CEP128: variants seen among roughly 807,000 people sequenced by gnomAD.
CEP128 encodes the protein centrosomal protein 128, also known as centrosomal protein 128kDa.
Under a neutral mutation model 156.7 loss-of-function variants are expected in CEP128, and 132 were observed. The ratio of observed to expected loss-of-function variants is 0.84; its 90% CI spans 0.73 to 0.97. CEP128 has a LOEUF of 0.97. CEP128 is among the 50% of genes least tolerant of loss of function. The pLI is 0.00. For missense variants in CEP128, 1,252 were observed against 1,281.9 expected, an observed-to-expected ratio of 0.98 and a Z score of 0.36; for synonymous variants, 469 against 448.9, an observed-to-expected ratio of 1.04 and a Z score of -0.57.
chr14:80,489,093 C>T (rs146120623), downstream of CEP128, among the ~76,000 whole-genome samples: 2,128 of 151,132 alleles, frequency 0.014, 34 homozygotes, highest in Middle Eastern at 0.034. Flanking sequence ...ATGTAACAAA[C>T]CTGCACATTG....
chr14:80,839,344 ACTG>A (rs920282839), intron 10 of CEP128, among the ~76,000 whole-genome samples: 1 of 152,222 alleles, frequency 6.6e-6, no homozygotes, highest in African/African-American at 2.4e-5. Flanking sequence ...CAGTTGAACA[ACTG>A]CTATCTGTAT....
chr14:80,689,103 C>T (rs1896624349), intron 19 of CEP128, among the ~76,000 whole-genome samples: 1 of 151,942 alleles, frequency 6.6e-6, no homozygotes, highest in South Asian at 2.1e-4. Flanking sequence ...TGGCACCCAG[C>T]ACTTTGAGAG....
chr14:80,778,099 C>T, intron 15 of CEP128, 53 bp from the exon 16 acceptor site: 1 of 1,426,218 alleles, frequency 7.0e-7, no homozygotes, highest in African/African-American at 1.4e-5. Flanking sequence ...AGCCAAAATA[C>T]ACCAAACACA....
At chr14:80,811,400 G>C (rs541582152) in intron 13 of CEP128, among the ~76,000 whole-genome samples, 159 of 152,196 alleles carry the variant, frequency 1.0e-3, no homozygotes, top group Non-Finnish European at 1.8e-3. Context: ...CCCACCAATA[G>C]TGTAAAAATG....
chr14:80,858,525 CA>C (rs1887330136), intron 9 of CEP128, among the ~76,000 whole-genome samples: 1 of 120,462 alleles, frequency 8.3e-6, no homozygotes, highest in Admixed American at 8.8e-5. Context: ...GCAATGGCAA[CA>C]AAAGACAAAA....
intron 19 of CEP128, among the ~76,000 whole-genome samples, chr14:80,599,079 T>C (rs1365668208): frequency 6.6e-6 from 1 of 152,168 alleles, no homozygotes; most frequent in Admixed American, 6.5e-5. Context: ...TATTATTTCT[T>C]ACTTCATGTG....
At chr14:80,849,957 T>G (rs1267758087) in intron 9 of CEP128, among the ~76,000 whole-genome samples, 1 of 151,614 alleles carries the variant, frequency 6.6e-6, no homozygotes, top group East Asian at 1.9e-4. Flanking sequence ...ATATTAAAAG[T>G]GGAAAAGGGA....
At chr14:80,718,921 T>C (rs1196601988) in intron 19 of CEP128, among the ~76,000 whole-genome samples, 3 of 152,210 alleles carry the variant, frequency 2.0e-5, no homozygotes, top group Non-Finnish European at 4.4e-5. Context: ...AGTTTTCTCT[T>C]CTTCACATGA....
At chr14:80,929,841 A>G (rs1594858952) in intron 2 of CEP128, among the ~76,000 whole-genome samples, 1 of 152,158 alleles carries the variant, frequency 6.6e-6, no homozygotes. Context: ...GTAACCAAAA[A>G]CCACTTACAT....
At chr14:80,540,488 C>T (rs1318825664) in intron 21 of CEP128, among the ~76,000 whole-genome samples, 1 of 152,172 alleles carries the variant, frequency 6.6e-6, no homozygotes, top group African/African-American at 2.4e-5. Flanking sequence ...CTGGTGTGGC[C>T]AGGTAGGAGC....
chr14:80,587,973 G>A (rs146547987), intron 19 of CEP128, among the ~76,000 whole-genome samples: 1 of 151,920 alleles, frequency 6.6e-6, no homozygotes, highest in South Asian at 2.1e-4. Context: ...AGGTCAACTG[G>A]GTATACATTT....
At chr14:80,523,930 A>G (rs1888862944) in intron 23 of CEP128, among the ~76,000 whole-genome samples, 1 of 152,218 alleles carries the variant, frequency 6.6e-6, no homozygotes, top group African/African-American at 2.4e-5. Flanking sequence ...TGTAGCAACT[A>G]TTCAACTCTA....
intron 19 of CEP128, among the ~76,000 whole-genome samples, chr14:80,728,596 T>C (rs1566880534): frequency 6.6e-6 from 1 of 152,212 alleles, no homozygotes; most frequent in East Asian, 1.9e-4. Context: ...TGCATTGCTA[T>C]GGGATCTCTG....
intron 19 of CEP128, among the ~76,000 whole-genome samples, chr14:80,741,223 C>T (rs1898815715): frequency 6.6e-6 from 1 of 152,162 alleles, no homozygotes; most frequent in Non-Finnish European, 1.5e-5. Context: ...AATACAACTA[C>T]ACTGTAGAAA....
At chr14:80,708,495 T>G (rs559048205) in intron 19 of CEP128, among the ~76,000 whole-genome samples, 192 of 152,236 alleles carry the variant, frequency 1.3e-3, no homozygotes, top group Non-Finnish European at 1.9e-3. Context: ...TTATTTTCCA[T>G]TTTTTATTTT....
At chr14:80,603,564 T>C (rs1453650352) in intron 19 of CEP128, among the ~76,000 whole-genome samples, 1 of 152,202 alleles carries the variant, frequency 6.6e-6, no homozygotes, top group Non-Finnish European at 1.5e-5. Flanking sequence ...ATACAGAGCA[T>C]GGACTCTGGG....
At chr14:80,820,691 A>C (rs189495294) in intron 13 of CEP128, among the ~76,000 whole-genome samples, 1 of 152,318 alleles carries the variant, frequency 6.6e-6, no homozygotes, top group East Asian at 1.9e-4. Flanking sequence ...TAGCTCTCTG[A>C]AACCTTCAAA....
chr14:80,508,326 A>C (rs1344464100), intron 23 of CEP128, among the ~76,000 whole-genome samples: 1 of 152,246 alleles, frequency 6.6e-6, no homozygotes, highest in East Asian at 1.9e-4. Context: ...ATTCAGGAGA[A>C]AAATTATTCA....
chr14:80,505,064 T>C (rs563886156), intron 23 of CEP128, 44 bp from the exon 24 acceptor site: 3 of 978,642 alleles, frequency 3.1e-6, no homozygotes, highest in South Asian at 3.3e-5. Context: ...ACACAAGGTA[T>C]GGACCAAGGC....
Sources: gnomAD v4.1 joint callset for allele counts (sites outside exome capture counted in the v4.1 genomes callset) on GRCh38, gnomAD v4.1.1 for gene constraint, MANE v1.5 for transcripts, NCBI Gene and HGNC (gene_info 2026-07-23, HGNC 2026-07-21) for gene names.